The following CA10 variants were observed in gnomAD, a reference collection of about 807,000 sequenced individuals.
CA10 encodes the protein carbonic anhydrase-related protein 10.
In CA10, 14 loss-of-function variants were observed where a neutral mutation model predicts 44.2. The observed-to-expected ratio is 0.32, with a 90% CI of 0.21 to 0.50. CA10 has a LOEUF of 0.50. Ranked by LOEUF, CA10 falls within the 20% of genes least tolerant of loss-of-function variation. The probability of loss-of-function intolerance (pLI) is 0.99; values close to 1 mark genes in which losing one functional copy is unlikely to be tolerated. For synonymous variants in CA10, 159 were observed against 141.6 expected, an observed-to-expected ratio of 1.12 and a Z score of -0.87; for missense variants, 350 against 409.7, an observed-to-expected ratio of 0.85 and a Z score of 1.26.
chr17:51,942,806 A>T lies in CA10; in HGVS notation c.137-11674T>A, dbSNP rs944882600. Among the ~76,000 whole-genome samples, 15 of 152,182 alleles carry T rather than the reference A, an allele frequency of 9.9e-5. 1 individual carries two copies. The South Asian group carries it at 1.9e-3, about 19-fold the overall frequency. ...TTTAGTGCACAGCAATGTAAGGATG[A>T]TGTTACTCTAGACCTGTGTTCCCTT... is the stretch of plus-strand genomic sequence containing the variant. On this transcript the variant is annotated intron_variant, in intron 2 of 8. Transcript: ENST00000451037.
intron 2 of CA10, among the ~76,000 whole-genome samples, chr17:51,946,832 A>G (rs543356234): frequency 6.6e-6 from 1 of 152,190 alleles, no homozygotes; most frequent in South Asian, 2.1e-4. Flanking sequence ...ATAGTATGAT[A>G]ATGAAATATA....
chr17:52,098,257 T>A (rs1027672982), intron 1 of CA10, among the ~76,000 whole-genome samples: 2 of 152,222 alleles, frequency 1.3e-5, no homozygotes, highest in Non-Finnish European at 2.9e-5. Context: ...AAAAATAGTC[T>A]AAGCACAGTG....
At chr17:51,754,044 A>T (rs1230011027) in intron 3 of CA10, among the ~76,000 whole-genome samples, 2 of 151,988 alleles carry the variant, frequency 1.3e-5, no homozygotes, top group African/African-American at 4.8e-5. Flanking sequence ...GGGTTTCACC[A>T]TGTTGGCCAG....
intron 2 of CA10, among the ~76,000 whole-genome samples, chr17:52,045,065 G>C (rs1024924179): frequency 2.0e-5 from 3 of 151,632 alleles, no homozygotes; most frequent in Non-Finnish European, 4.4e-5. Flanking sequence ...TCTTAGAAGT[G>C]GGCAAACTAA....
chr17:51,781,189 A>T (rs1443231361), intron 3 of CA10, among the ~76,000 whole-genome samples: 2 of 152,210 alleles, frequency 1.3e-5, no homozygotes, highest in African/African-American at 4.8e-5. Context: ...GTCATTTATC[A>T]TCTCTGAGCC....
At chr17:52,061,309 A>AC (rs987396134) in intron 2 of CA10, among the ~76,000 whole-genome samples, 63 of 152,240 alleles carry the variant, frequency 4.1e-4, no homozygotes, top group African/African-American at 1.5e-3. Context: ...CAAGGAAGGG[A>AC]CCCTGCACTG....
intron 1 of CA10, among the ~76,000 whole-genome samples, chr17:52,108,179 TTA>T (rs1399623199): frequency 3.2e-4 from 43 of 134,856 alleles, no homozygotes; most frequent in Admixed American, 6.8e-4. Context: ...TAATATATTT[TTA>T]TATATATATT....
intron 2 of CA10, among the ~76,000 whole-genome samples, chr17:51,968,100 A>G (rs1368101996): frequency 2.0e-5 from 3 of 151,858 alleles, no homozygotes; most frequent in East Asian, 1.9e-4. Flanking sequence ...AAACTCTAAC[A>G]TTGCTGGAGG....
At chr17:52,089,732 C>T (rs1163775134) in intron 1 of CA10, among the ~76,000 whole-genome samples, 1 of 151,768 alleles carries the variant, frequency 6.6e-6, no homozygotes, top group Non-Finnish European at 1.5e-5. Flanking sequence ...TTTTATATGA[C>T]ATTTATAATA....
chr17:51,899,253 T>C (rs553427643), intron 3 of CA10, among the ~76,000 whole-genome samples: 4 of 151,964 alleles, frequency 2.6e-5, no homozygotes, highest in Non-Finnish European at 5.9e-5. Context: ...TATATCTTTG[T>C]TCTCGTTAGT....
intron 4 of CA10, among the ~76,000 whole-genome samples, chr17:51,698,905 A>T (rs571377296): frequency 6.6e-6 from 1 of 152,296 alleles, no homozygotes; most frequent in South Asian, 2.1e-4. Flanking sequence ...TTAAGGCTGG[A>T]TGATATTCCA....
intron 8 of CA10, among the ~76,000 whole-genome samples, 168 bp downstream of exon 8, chr17:51,633,308 T>C (rs1912671317): frequency 6.6e-6 from 1 of 152,158 alleles, no homozygotes; most frequent in Non-Finnish European, 1.5e-5. Flanking sequence ...GTATCACATA[T>C]ATCAAAACTT....
intron 4 of CA10, among the ~76,000 whole-genome samples, chr17:51,714,403 T>C (rs959302180): frequency 9.9e-5 from 15 of 152,092 alleles, no homozygotes; most frequent in African/African-American, 3.6e-4. Context: ...CTCACAGGGG[T>C]TTGTGAGATT....
chr17:51,721,173 T>C (rs147632167), intron 4 of CA10, among the ~76,000 whole-genome samples: 3,092 of 151,870 alleles, frequency 0.02, 117 homozygotes, highest in African/African-American at 0.07. Context: ...CTACTAAAAA[T>C]ACAAAAAAAT....
At chr17:51,679,454 G>A (rs902625343) in intron 4 of CA10, among the ~76,000 whole-genome samples, 8 of 151,690 alleles carry the variant, frequency 5.3e-5, no homozygotes, top group African/African-American at 1.9e-4. Context: ...GTAGAGATGG[G>A]GTTTCACCGT....
chr17:51,958,020 A>C (rs1044656454), intron 2 of CA10, among the ~76,000 whole-genome samples: 3 of 152,082 alleles, frequency 2.0e-5, no homozygotes, highest in Admixed American at 2.0e-4. Context: ...TAAATTGTGC[A>C]TGCCTCTGTG....
chr17:51,882,467 G>A (rs1159135342), intron 3 of CA10, among the ~76,000 whole-genome samples: 1 of 152,150 alleles, frequency 6.6e-6, no homozygotes, highest in African/African-American at 2.4e-5. Flanking sequence ...TGGGTGTTGG[G>A]GGAGGATGGC....
intron 2 of CA10, among the ~76,000 whole-genome samples, chr17:52,062,113 G>T (rs1256110493): frequency 7.0e-6 from 1 of 143,680 alleles, no homozygotes; most frequent in Non-Finnish European, 1.5e-5. Flanking sequence ...TGTTGCTCAG[G>T]CTGGAGTGCA....
chr17:51,906,482 C>G (rs1004361146), intron 3 of CA10, among the ~76,000 whole-genome samples: 3 of 152,108 alleles, frequency 2.0e-5, no homozygotes, highest in African/African-American at 7.2e-5. Context: ...CTGCCAATCT[C>G]TAAACGTCAG....
Sources: gnomAD v4.1 joint callset for allele counts (sites outside exome capture counted in the v4.1 genomes callset) on GRCh38, gnomAD v4.1.1 for gene constraint, MANE v1.5 for transcripts, NCBI Gene and HGNC (gene_info 2026-07-23, HGNC 2026-07-21) for gene names.